The following OLA1 variants were observed in gnomAD, a reference collection of about 807,000 sequenced individuals.
OLA1 encodes obg-like ATPase 1.
OLA1 carries 14 observed loss-of-function variants against 48.4 expected under a neutral mutation model. That is an observed-to-expected ratio of 0.29 (90% confidence interval 0.19 to 0.45). The LOEUF is 0.45. OLA1 is among the 20% of genes least tolerant of loss of function. The pLI, the probability that OLA1 is intolerant of heterozygous loss-of-function variation, is 1.00. For synonymous variants in OLA1, 127 were observed against 150.4 expected (o/e 0.84, Z 1.14); for missense variants, 325 against 467.1 (o/e 0.70, Z 2.80).
At chr2:174,176,285 T>C (rs923479398) in intron 4 of OLA1, among the ~76,000 whole-genome samples, 1 of 152,170 alleles carries the variant, frequency 6.6e-6, no homozygotes, top group Non-Finnish European at 1.5e-5. Context: ...TTCAACATTA[T>C]AGGCTGATAT....
intron 7 of OLA1, among the ~76,000 whole-genome samples, chr2:174,121,452 G>A (rs1685912848): frequency 6.6e-6 from 1 of 152,040 alleles, no homozygotes; most frequent in African/African-American, 2.4e-5. Flanking sequence ...ACATCATTCA[G>A]TTACCCAGTC....
Position 174,229,433 on chromosome 2 carries a change from A to G in OLA1, c.120T>C (p.Asn40=). 6.2e-7 allele frequency: 1 copy of G among 1,610,154 alleles called. No homozygotes were observed. The highest frequency in any genetic ancestry group is 8.5e-7 in the Non-Finnish European group (1 of 1,178,890). The change falls in exon 3 of 11, where the codon AAT becomes AAC. Residue 40 remains asparagine (N), a synonymous_variant. Coordinates refer to ENST00000284719, the MANE Select transcript of OLA1 (RefSeq NM_013341.5). ...CTGAAGCCTGACTATTGGTTAACAC[A>G]TTGAAGAAAGTAGATTTCCTAAAAC... ...LPNVGKSTFF[N]VLTNSQASAE...
chr2:174,194,461 G>C lies in OLA1; in HGVS notation c.373+28572C>G, dbSNP rs77010403. On this transcript the variant is annotated intron_variant, in intron 4 of 10. Coordinates refer to ENST00000284719, the MANE Select transcript of OLA1 (RefSeq NM_013341.5). Reference sequence around the variant, plus strand: ...GCACTGTATATCCTTACATTTTAAAGTTAGTCAGGCTCTTTTTCATTGCGA... The same window carrying C: ...GCACTGTATATCCTTACATTTTAAACTTAGTCAGGCTCTTTTTCATTGCGA... Among the ~76,000 whole-genome samples, 544 of 152,208 alleles carry C rather than the reference G, an allele frequency of 3.6e-3. 15 individuals are homozygous for C. The East Asian group carries it at 0.073, about 20-fold the overall frequency.
intron 4 of OLA1, among the ~76,000 whole-genome samples, chr2:174,206,075 T>C (rs748412291): frequency 1.3e-5 from 2 of 152,214 alleles, no homozygotes; most frequent in Admixed American, 6.5e-5. Context: ...AGGACAGTTA[T>C]AAGGAAATGA....
chr2:174,147,908 C>T (rs1338666317), intron 4 of OLA1, among the ~76,000 whole-genome samples: 1 of 152,148 alleles, frequency 6.6e-6, no homozygotes, highest in African/African-American at 2.4e-5. Context: ...ACTGCAATCT[C>T]CACCTCCCAG....
At chr2:174,235,702 G>C (rs566122497) in intron 2 of OLA1, among the ~76,000 whole-genome samples, 1 of 152,310 alleles carries the variant, frequency 6.6e-6, no homozygotes, top group Non-Finnish European at 1.5e-5. Flanking sequence ...GAATTTATGG[G>C]AGAGTATACT....
intron 4 of OLA1, among the ~76,000 whole-genome samples, chr2:174,206,527 A>T (rs1410654071): frequency 6.6e-6 from 1 of 152,188 alleles, no homozygotes; most frequent in East Asian, 1.9e-4. Flanking sequence ...GACAGGAAAG[A>T]AGACCTTCAA....
intron 7 of OLA1, among the ~76,000 whole-genome samples, chr2:174,099,954 A>T (rs1248173690): frequency 6.6e-6 from 1 of 152,246 alleles, no homozygotes; most frequent in Non-Finnish European, 1.5e-5. Flanking sequence ...AAATGAAAAC[A>T]ATATATCACT....
chr2:174,106,400 T>G (rs1685515556), intron 7 of OLA1, among the ~76,000 whole-genome samples: 1 of 152,108 alleles, frequency 6.6e-6, no homozygotes, highest in South Asian at 2.1e-4. Context: ...TGCAGTACCT[T>G]TATCCAAAAC....
intron 7 of OLA1, among the ~76,000 whole-genome samples, chr2:174,088,914 A>C (rs1239687668): frequency 2.6e-5 from 4 of 151,148 alleles, no homozygotes; most frequent in Non-Finnish European, 5.9e-5. Context: ...ATAAATAAAT[A>C]AAGCTCCATC....
At chr2:174,089,734 T>C (rs1685062752) in intron 7 of OLA1, among the ~76,000 whole-genome samples, 1 of 151,762 alleles carries the variant, frequency 6.6e-6, no homozygotes, top group Non-Finnish European at 1.5e-5. Context: ...AAACGACGTT[T>C]CTACAAAAAA....
intron 2 of OLA1, among the ~76,000 whole-genome samples, chr2:174,231,120 G>C (rs1039030138): frequency 3.3e-4 from 50 of 152,118 alleles, no homozygotes; most frequent in African/African-American, 1.2e-3. Flanking sequence ...AACTACAAAA[G>C]CCTACTCAAG....
chr2:174,124,580 G>C (rs920548859), intron 5 of OLA1, among the ~76,000 whole-genome samples: 1 of 152,176 alleles, frequency 6.6e-6, no homozygotes, highest in Non-Finnish European at 1.5e-5. Context: ...TTAATAAAAG[G>C]CTCTGGGGTC....
intron 7 of OLA1, among the ~76,000 whole-genome samples, chr2:174,119,529 CACTT>C (rs1412268018): frequency 6.6e-6 from 1 of 152,138 alleles, no homozygotes; most frequent in Non-Finnish European, 1.5e-5. Context: ...CCTACATATA[CACTT>C]ACTGAGATAT....
intron 4 of OLA1, among the ~76,000 whole-genome samples, chr2:174,168,330 G>A (rs534822863): frequency 6.6e-6 from 1 of 152,258 alleles, no homozygotes; most frequent in Non-Finnish European, 1.5e-5. Flanking sequence ...TGAGACTGGA[G>A]CTGCCATCTA....
intron 4 of OLA1, among the ~76,000 whole-genome samples, chr2:174,173,308 G>A (rs1445863568): frequency 7.2e-6 from 1 of 139,194 alleles, no homozygotes; most frequent in Non-Finnish European, 1.5e-5. Context: ...CAAAATATTG[G>A]AGCTGAAGAC....
At chr2:174,189,076 TA>T (rs1422054259) in intron 4 of OLA1, among the ~76,000 whole-genome samples, 3 of 152,116 alleles carry the variant, frequency 2.0e-5, no homozygotes, top group Middle Eastern at 3.2e-3. Context: ...TAGCATATGA[TA>T]AAAGCAGCTC....
chr2:174,145,226 T>C (rs1396332682), intron 4 of OLA1, among the ~76,000 whole-genome samples: 1 of 151,844 alleles, frequency 6.6e-6, no homozygotes, highest in Non-Finnish European at 1.5e-5. Context: ...GAATTACTAA[T>C]TTAGAAGAAT....
chr2:174,198,085 C>T (rs1437777502), intron 4 of OLA1, among the ~76,000 whole-genome samples: 1 of 152,052 alleles, frequency 6.6e-6, no homozygotes, highest in Non-Finnish European at 1.5e-5. Context: ...TGCCTCAGCA[C>T]CCCCTAGTAG....
Sources: allele counts gnomAD v4.1 joint callset (sites outside exome capture counted in the v4.1 genomes callset), GRCh38; gene constraint gnomAD v4.1.1; transcripts MANE v1.5; gene names NCBI Gene and HGNC (gene_info 2026-07-23, HGNC 2026-07-21).